Variants in GFRA2 observed in about 807,000 individuals in gnomAD.
GFRA2 encodes the protein GDNF family receptor alpha 2.
GFRA2 carries 17 observed loss-of-function variants against 48.3 expected under a neutral mutation model. The observed-to-expected ratio is 0.35, with a 90% confidence interval of 0.24 to 0.53. The LOEUF (loss-of-function observed/expected upper bound fraction) is 0.53. Among genes scored for constraint, GFRA2 ranks in the 20% least tolerant of loss-of-function variants. The pLI, the probability that GFRA2 is intolerant of heterozygous loss-of-function variation, is 0.93. For missense variants in GFRA2, 660 were observed against 637.3 expected, an observed-to-expected ratio of 1.04 and a Z score of -0.38; for synonymous variants, 305 against 257.2, an observed-to-expected ratio of 1.19 and a Z score of -1.78.
chr8:21,701,256 T>C (rs1276700383), intron 7 of GFRA2, among the ~76,000 whole-genome samples: 2 of 152,120 alleles, frequency 1.3e-5, no homozygotes, highest in African/African-American at 4.8e-5. Context: ...TAGCTGGGCA[T>C]GTTGGCGGGT....
At chr8:21,732,463 G>A (rs554600115) in intron 4 of GFRA2, among the ~76,000 whole-genome samples, 21 of 152,182 alleles carry the variant, frequency 1.4e-4, no homozygotes, top group Admixed American at 3.9e-4. Context: ...AGAGGGGAGG[G>A]GGGTATCTCT....
rs370188385 is a variant in GFRA2 at position 21,735,376 on chromosome 8, C to G, written c.794+15212G>C. On this transcript the variant is annotated intron_variant, in intron 4 of 8. Coordinates refer to ENST00000524240, the MANE Select transcript of GFRA2 (RefSeq NM_001495.5). ...GAAAGATGTGGAAACCAAGCCCCCCCCCAATCCACCCCTGCCAGGCCCCTT... is the reference window on the plus strand; with the variant it reads ...GAAAGATGTGGAAACCAAGCCCCCCGCCAATCCACCCCTGCCAGGCCCCTT... 3.4e-4 allele frequency among the ~76,000 whole-genome samples: 51 copies of G among 152,200 alleles called. 2 individuals are homozygous for G. Among genetic ancestry groups the G allele is most frequent in the East Asian group, 2.3e-3 (12 of 5,158 alleles).
At chr8:21,721,255 C>A (rs141422010) in intron 4 of GFRA2, among the ~76,000 whole-genome samples, 1 of 152,210 alleles carries the variant, frequency 6.6e-6, no homozygotes, top group Non-Finnish European at 1.5e-5. Flanking sequence ...AGTGTGTCTG[C>A]CTTTCCCCCC....
chr8:21,721,665 T>A (rs979046221), intron 4 of GFRA2, among the ~76,000 whole-genome samples: 2 of 152,224 alleles, frequency 1.3e-5, no homozygotes, highest in African/African-American at 4.8e-5. Flanking sequence ...GTTTATGATC[T>A]TTCTTCTTGG....
chr8:21,797,157 T>C (rs1807691087), intron 2 of GFRA2, among the ~76,000 whole-genome samples: 2 of 152,224 alleles, frequency 1.3e-5, no homozygotes, highest in Non-Finnish European at 2.9e-5. Flanking sequence ...CTTTTTAATT[T>C]TAAGAACAAA....
At chr8:21,732,092 C>A (rs1008209214) in intron 4 of GFRA2, among the ~76,000 whole-genome samples, 1 of 152,232 alleles carries the variant, frequency 6.6e-6, no homozygotes, top group East Asian at 1.9e-4. Flanking sequence ...AACATGCCAG[C>A]GGGCCAAGAG....
intron 2 of GFRA2, among the ~76,000 whole-genome samples, chr8:21,781,295 C>T (rs997087893): frequency 6.6e-6 from 1 of 151,990 alleles, no homozygotes; most frequent in Admixed American, 6.6e-5. Flanking sequence ...CTTCAGGGAT[C>T]CCTCCCTGTG....
chr8:21,783,038 A>T, intron 1 of GFRA2, 139 bp from the exon 2 acceptor site: 1 of 796,132 alleles, frequency 1.3e-6, no homozygotes, highest in Non-Finnish European at 2.1e-6. Flanking sequence ...TCTGTGGGAC[A>T]GCCCTCCTCA....
At position 21,750,567 on chromosome 8, in the gene GFRA2, C is replaced by T. The variant is rs776629134; in HGVS notation, c.794+21G>A. The T allele has an allele frequency of 6.8e-6, 10 of 1,472,748 alleles. No homozygotes were observed. In the Admixed American group the frequency reaches 1.4e-4, roughly 20 times the overall value. 91.2% of individuals were successfully genotyped at this position (1,472,748 alleles called of 1,614,324 possible). On this transcript the variant is annotated intron_variant, in intron 4 of 8. Coordinates refer to ENST00000524240, the MANE Select transcript of GFRA2 (RefSeq NM_001495.5). This position sits in a 1 kb window ranked among gnomAD's most constrained non-coding sequence, Gnocchi z 5.7. ...GCAAGCGCCCTCCTGCCAGCACCACCGGGGCTGCCGCGGCACTCACCGACA... is the reference window on the plus strand; with the variant it reads ...GCAAGCGCCCTCCTGCCAGCACCACTGGGGCTGCCGCGGCACTCACCGACA...
At chr8:21,779,901 C>T (rs1193536068) in intron 2 of GFRA2, among the ~76,000 whole-genome samples, 3 of 152,020 alleles carry the variant, frequency 2.0e-5, no homozygotes, top group African/African-American at 7.2e-5. Context: ...CTCCCCTGTT[C>T]GAAGGCTCAT....
At position 21,764,880 on chromosome 8, in the gene GFRA2, T is replaced by C. The variant is rs139411522; in HGVS notation, c.439+10092A>G. Among the ~76,000 whole-genome samples, 826 of 151,932 alleles carry C rather than the reference T, an allele frequency of 5.4e-3. 55 individuals are homozygous for C. In the East Asian group the frequency reaches 0.14, roughly 26 times the overall value. On this transcript the variant is annotated intron_variant, in intron 3 of 8. Coordinates refer to ENST00000524240, the MANE Select transcript of GFRA2 (RefSeq NM_001495.5). ...CCCTTCCTAGCAAAGCTTGAAAGAG[T>C]AGATTTCTGGTTGCTGATTTTACCT...
At chr8:21,775,136 GCT>G (rs1806632768) in intron 2 of GFRA2, 81 bp from the exon 3 acceptor site, 2 of 749,716 alleles carry the variant, frequency 2.7e-6, no homozygotes, top group Admixed American at 3.7e-5. Context: ...CCGGAGGAAA[GCT>G]CTCTACCAGG....
chr8:21,785,567 G>A (rs1398000379), intron 1 of GFRA2, among the ~76,000 whole-genome samples: 1 of 152,166 alleles, frequency 6.6e-6, no homozygotes, highest in African/African-American at 2.4e-5. Context: ...GAGACACAGG[G>A]GTAGAGGGGG....
rs202220720 is a variant in GFRA2 at position 21,779,187 on chromosome 8, G to A, written c.355+3398C>T. On this transcript the variant is annotated intron_variant, in intron 2 of 8. Coordinates refer to ENST00000524240, the MANE Select transcript of GFRA2 (RefSeq NM_001495.5). ...TGCCCTCTAGCCTAGGCAACAGAGT[G>A]AGACCCTGTCTCAAAAAACGAGATT... Among the ~76,000 whole-genome samples, 401 of 152,298 alleles carry A rather than the reference G, an allele frequency of 2.6e-3. 21 individuals are homozygous for A. The East Asian group carries it at 0.071, about 27-fold the overall frequency.
chr8:21,788,232 T>C lies in GFRA2; in HGVS notation c.-73A>G, dbSNP rs372432977. ...AAAATAATAGTAGTAACAACAACAA[T>C]AATAATAGGCAAGCAGTGGTAATCA... On this transcript the variant is annotated 5_prime_UTR_variant, in exon 1 of 9. Transcript: ENST00000524240. The C allele has an allele frequency of 5.8e-5, 91 of 1,573,932 alleles. No homozygotes were observed. The highest frequency in any genetic ancestry group is 2.2e-4 in the East Asian group (9 of 41,416).
intron 4 of GFRA2, among the ~76,000 whole-genome samples, chr8:21,718,173 T>C (rs1033814903): frequency 2.0e-5 from 3 of 152,304 alleles, no homozygotes; most frequent in African/African-American, 7.2e-5. Context: ...AACTGAATCA[T>C]GGAGGCAGGT....
intron 3 of GFRA2, among the ~76,000 whole-genome samples, chr8:21,773,974 T>C (rs962279876): frequency 3.9e-5 from 6 of 152,122 alleles, no homozygotes; most frequent in Admixed American, 2.6e-4. Context: ...GCCCAAAATG[T>C]CAATAGTGCT....
intron 1 of GFRA2, among the ~76,000 whole-genome samples, chr8:21,809,241 C>A (rs1322231817): frequency 6.6e-6 from 1 of 152,174 alleles, no homozygotes; most frequent in Non-Finnish European, 1.5e-5. Flanking sequence ...CAGGAGAGAG[C>A]CCTTCTAAGG....
In GFRA2 at chr8:21,782,848, A is replaced by C; in HGVS notation, c.92T>G (p.Leu31Arg). The change falls in exon 2 of 9, where the codon CTC becomes CGC. Residue 31 changes from leucine to arginine, a missense_variant. Transcript: ENST00000524240. ...GTCCACTGGGGGGCGCCAGCCGTGG[A>C]GCTCGGGGCCCTGCAGGGAGGAAGG... Reference protein sequence around the residue: ...ASPSSLQGPELHGWRPPVDCV... With the variant: ...ASPSSLQGPERHGWRPPVDCV... 3 of 1,569,696 alleles carry C rather than the reference A, an allele frequency of 1.9e-6. No individual in the cohort carries two copies. Among genetic ancestry groups the C allele is most frequent in the Non-Finnish European group, 2.6e-6 (3 of 1,164,716 alleles).
Sources: gnomAD v4.1 joint callset for allele counts (sites outside exome capture counted in the v4.1 genomes callset) on GRCh38, gnomAD v4.1.1 for gene constraint, Gnocchi (gnomAD v3.1) non-coding constraint, MANE v1.5 for transcripts, NCBI Gene and HGNC (gene_info 2026-07-23, HGNC 2026-07-21) for gene names.